SLC35F4: variants seen among roughly 807,000 people sequenced by gnomAD.
The protein encoded by SLC35F4 is chromosome 14 open reading frame 36.
SLC35F4 carries 24 observed loss-of-function variants against 44.2 expected under a neutral mutation model. That is an observed-to-expected ratio of 0.54 (90% CI 0.39 to 0.76). The LOEUF is 0.76. Among genes scored for constraint, SLC35F4 ranks in the 30% least tolerant of loss-of-function variants. The pLI, the probability that SLC35F4 is intolerant of heterozygous loss-of-function variation, is 0.00. For missense variants in SLC35F4, 562 were observed against 586.1 expected, an observed-to-expected ratio of 0.96 and a Z score of 0.42; for synonymous variants, 238 against 223.6, an observed-to-expected ratio of 1.06 and a Z score of -0.57.
At chr14:57,962,837 G>T (rs181694344) in intron 1 of SLC35F4, among the ~76,000 whole-genome samples, 7 of 152,140 alleles carry the variant, frequency 4.6e-5, no homozygotes, top group African/African-American at 1.7e-4. Flanking sequence ...AGCACACTGC[G>T]CAAAACCTCA....
intron 1 of SLC35F4, among the ~76,000 whole-genome samples, chr14:57,805,925 T>G (rs1881267104): frequency 6.6e-6 from 1 of 152,058 alleles, no homozygotes; most frequent in Non-Finnish European, 1.5e-5. Context: ...GAAAACCAGG[T>G]TTGGAATATT....
At chr14:57,649,934 C>T (rs937994245) in intron 1 of SLC35F4, among the ~76,000 whole-genome samples, 4 of 151,980 alleles carry the variant, frequency 2.6e-5, no homozygotes, top group Non-Finnish European at 4.4e-5. Flanking sequence ...CATGTCTCAA[C>T]GCCTTCCTTC....
At chr14:57,907,931 G>T (rs779909949) in intron 1 of SLC35F4, among the ~76,000 whole-genome samples, 31 of 150,802 alleles carry the variant, frequency 2.1e-4, no homozygotes, top group Non-Finnish European at 4.0e-4. Flanking sequence ...CGTCCTCTAA[G>T]TTCCCTCCCC....
intron 1 of SLC35F4, among the ~76,000 whole-genome samples, chr14:57,771,990 T>C (rs1250972076): frequency 1.3e-5 from 2 of 152,236 alleles, no homozygotes; most frequent in African/African-American, 4.8e-5. Flanking sequence ...TTGCATAGTA[T>C]GTGTTATCTT....
chr14:57,645,099 T>C (rs1319023364), intron 1 of SLC35F4, among the ~76,000 whole-genome samples: 2 of 152,232 alleles, frequency 1.3e-5, no homozygotes, highest in Non-Finnish European at 2.9e-5. Context: ...GATTCGATGA[T>C]GCAGACTCTT....
chr14:57,725,468 G>A (rs1212954306), intron 1 of SLC35F4, among the ~76,000 whole-genome samples: 2 of 152,176 alleles, frequency 1.3e-5, no homozygotes, highest in African/African-American at 4.8e-5. Flanking sequence ...TCCAGATACG[G>A]GTTTGCCTAT....
intron 1 of SLC35F4, among the ~76,000 whole-genome samples, chr14:57,734,718 T>C (rs1313439577): frequency 6.6e-6 from 1 of 152,206 alleles, no homozygotes; most frequent in Non-Finnish European, 1.5e-5. Flanking sequence ...AGAAAAGGCT[T>C]TTGATAGAAG....
At chr14:57,900,421 C>T (rs940465115) in intron 1 of SLC35F4, among the ~76,000 whole-genome samples, 2 of 147,928 alleles carry the variant, frequency 1.4e-5, no homozygotes, top group Admixed American at 1.3e-4. Flanking sequence ...TCACCTCTGG[C>T]CCCCACACTA....
chr14:57,576,930 C>T (rs1484820742), intron 4 of SLC35F4, among the ~76,000 whole-genome samples: 2 of 152,236 alleles, frequency 1.3e-5, no homozygotes, highest in East Asian at 1.9e-4. Flanking sequence ...GGTGTAAAAT[C>T]GGACAGCCAG....
chr14:57,711,415 C>T (rs2075815289), intron 1 of SLC35F4, among the ~76,000 whole-genome samples: 1 of 152,062 alleles, frequency 6.6e-6, no homozygotes, highest in African/African-American at 2.4e-5. Context: ...GGGAACACTA[C>T]CCATCAGGTT....
At chr14:57,805,515 AG>A (rs1757519558) in intron 1 of SLC35F4, among the ~76,000 whole-genome samples, 1 of 152,230 alleles carries the variant, frequency 6.6e-6, no homozygotes, top group African/African-American at 2.4e-5. Flanking sequence ...AAACCAAAGC[AG>A]GAATAGAAAA....
At position 57,566,401 on chromosome 14, in the gene SLC35F4, C is replaced by T. The variant is rs891211099; in HGVS notation, c.1216+74G>A. ...AATTCACAATTTCTAGAAGGAACAA[C>T]TCAGGACACAGAACAAACACAAGCA... On this transcript the variant is annotated intron_variant, in intron 7 of 7. Coordinates refer to ENST00000556826, the MANE Select transcript of SLC35F4 (RefSeq NM_001306087.2). The T allele has an allele frequency of 2.9e-5, 41 of 1,414,612 alleles. No homozygotes were observed. The Admixed American group carries it at 5.8e-4, about 20-fold the overall frequency. 87.6% of individuals were successfully genotyped at this position (1,414,612 alleles called of 1,614,324 possible).
chr14:57,937,163 G>A (rs1889812511), intron 1 of SLC35F4, among the ~76,000 whole-genome samples: 1 of 151,750 alleles, frequency 6.6e-6, no homozygotes, highest in African/African-American at 2.4e-5. Context: ...CGCTTCCCAG[G>A]TTCAAGCAAT....
At chr14:57,619,702 A>ACTT in intron 1 of SLC35F4, among the ~76,000 whole-genome samples, 1 of 152,268 alleles carries the variant, frequency 6.6e-6, no homozygotes, top group East Asian at 1.9e-4. Context: ...TGACAAATGG[A>ACTT]CAGAAGTAGG....
chr14:57,972,335 G>A (rs1201293326), downstream of SLC35F4, among the ~76,000 whole-genome samples: 1 of 152,156 alleles, frequency 6.6e-6, no homozygotes, highest in Non-Finnish European at 1.5e-5. Flanking sequence ...GGAAGCAGAA[G>A]CAGGGAGCTC....
intron 1 of SLC35F4, among the ~76,000 whole-genome samples, chr14:57,957,601 C>G (rs1016912767): frequency 2.6e-5 from 4 of 152,036 alleles, no homozygotes; most frequent in Non-Finnish European, 5.9e-5. Flanking sequence ...ATGAACATTC[C>G]CAGCTAAGAT....
upstream of SLC35F4, among the ~76,000 whole-genome samples, chr14:57,868,684 G>T (rs1049850341): frequency 1.3e-5 from 2 of 152,106 alleles, no homozygotes; most frequent in Non-Finnish European, 2.9e-5. Context: ...CACCATGTTG[G>T]CCAGACTGGT....
chr14:57,977,242 T>C (rs1055075539), intron 1 of SLC35F4, among the ~76,000 whole-genome samples: 1 of 152,110 alleles, frequency 6.6e-6, no homozygotes, highest in Non-Finnish European at 1.5e-5. Context: ...ATAAATGTAG[T>C]TTTTAGTGGG....
intron 1 of SLC35F4, among the ~76,000 whole-genome samples, chr14:57,615,225 G>A (rs915509229): frequency 2.0e-5 from 3 of 152,146 alleles, no homozygotes; most frequent in African/African-American, 7.2e-5. Flanking sequence ...ATTTCACTAA[G>A]AAAGGGTTTC....
Sources: allele counts gnomAD v4.1 joint callset (sites outside exome capture counted in the v4.1 genomes callset), GRCh38; gene constraint gnomAD v4.1.1; transcripts MANE v1.5; gene names NCBI Gene and HGNC (gene_info 2026-07-23, HGNC 2026-07-21).